Variants in PRICKLE2 observed in about 807,000 individuals in gnomAD.
The protein encoded by PRICKLE2 is prickle-like protein 2.
Under a neutral mutation model 81.4 loss-of-function variants are expected in PRICKLE2, and 21 were observed. That is an observed-to-expected ratio of 0.26 (90% CI 0.18 to 0.37). PRICKLE2 has a LOEUF of 0.37. Ranked by LOEUF, PRICKLE2 falls within the 10% of genes least tolerant of loss-of-function variation. The pLI is 1.00. For missense variants in PRICKLE2, 940 were observed against 1,109.0 expected (o/e 0.85, Z 2.16); for synonymous variants, 456 against 421.5 (o/e 1.08, Z -1.00).
chr3:64,213,105 T>C (rs371180023), intron 1 of PRICKLE2, among the ~76,000 whole-genome samples: 1,673 of 151,522 alleles, frequency 0.011, 29 homozygotes, highest in African/African-American at 0.035. Flanking sequence ...AGATGGAATT[T>C]TTCTTTTGTT....
At chr3:64,155,554 C>T (rs2107031564) in intron 5 of PRICKLE2, among the ~76,000 whole-genome samples, 1 of 152,182 alleles carries the variant, frequency 6.6e-6, no homozygotes, top group East Asian at 1.9e-4. Context: ...CTCAAGAGAA[C>T]TAAAAATATA....
At chr3:64,210,351 C>G (rs1160995412) in intron 1 of PRICKLE2, among the ~76,000 whole-genome samples, 1 of 152,114 alleles carries the variant, frequency 6.6e-6, no homozygotes, top group African/African-American at 2.4e-5. Flanking sequence ...CAGGCATGAA[C>G]CTTGACACTT....
upstream of PRICKLE2, among the ~76,000 whole-genome samples, chr3:64,227,717 C>T (rs2079048675): frequency 6.6e-6 from 1 of 152,128 alleles, no homozygotes; most frequent in African/African-American, 2.4e-5. Flanking sequence ...TGCATGGGGC[C>T]ATTGGGAGAA....
intron 2 of PRICKLE2, among the ~76,000 whole-genome samples, chr3:64,266,214 G>C (rs1329983311): frequency 2.0e-5 from 3 of 149,324 alleles, no homozygotes; most frequent in African/African-American, 7.4e-5. Flanking sequence ...AAAAAAAAAA[G>C]CTAAACCAAA....
At chr3:64,258,995 AT>A (rs1262733559) in intron 2 of PRICKLE2, among the ~76,000 whole-genome samples, 1 of 152,180 alleles carries the variant, frequency 6.6e-6, no homozygotes, top group East Asian at 1.9e-4. Flanking sequence ...ACACTGGTAT[AT>A]TTAGCTTATG....
intron 1 of PRICKLE2, among the ~76,000 whole-genome samples, chr3:64,217,684 G>A (rs1410128415): frequency 9.9e-5 from 15 of 152,184 alleles, no homozygotes; most frequent in Admixed American, 9.2e-4. Flanking sequence ...CATGGGTACA[G>A]GCTGCCTCCA....
chr3:64,164,783 G>C (rs889064361), intron 2 of PRICKLE2, among the ~76,000 whole-genome samples: 1 of 152,160 alleles, frequency 6.6e-6, no homozygotes, highest in African/African-American at 2.4e-5. Flanking sequence ...GTTCTGAAGA[G>C]AGCCCACTGT....
In PRICKLE2 at chr3:64,153,164, T is replaced by G. The variant is rs755252208; in HGVS notation, c.787+18A>C. On this transcript the variant is annotated intron_variant, in intron 6 of 7. Transcript: ENST00000638394. ...CGCATCACAGAAGGACCAAGCTGAC[T>G]GCCAAATATTGCCTCACCTATATGT... is the stretch of plus-strand genomic sequence containing the variant. The G allele has an allele frequency of 6.2e-7, 1 of 1,613,320 alleles. No individual in the cohort carries two copies. The highest frequency in any genetic ancestry group is 8.5e-7 in the Non-Finnish European group (1 of 1,179,300).
intron 2 of PRICKLE2, among the ~76,000 whole-genome samples, chr3:64,173,616 C>T (rs1442366972): frequency 6.6e-6 from 1 of 152,100 alleles, no homozygotes; most frequent in Non-Finnish European, 1.5e-5. Flanking sequence ...GCTTAAATGG[C>T]CAGTATCCTT....
At chr3:64,125,642 A>G (rs983053439) in intron 7 of PRICKLE2, among the ~76,000 whole-genome samples, 3 of 152,236 alleles carry the variant, frequency 2.0e-5, no homozygotes, top group Non-Finnish European at 4.4e-5. Flanking sequence ...GTAATAAAGT[A>G]TTTTTAAATT....
rs1488175550 is a variant in PRICKLE2, at chr3:64,180,126, T to C, written c.145-16997A>G. Among the ~76,000 whole-genome samples, 3 of 152,334 alleles carry C rather than the reference T, an allele frequency of 2.0e-5. No homozygotes were observed. The East Asian group carries it at 5.8e-4, about 29-fold the overall frequency. ...AGTAATGTGCATACTTTGAATGTTA[T>C]GTGCGTATGTTATATAATGAGGATT... On this transcript the variant is annotated intron_variant, in intron 2 of 7. Transcript: ENST00000638394.
At chr3:64,160,342 C>T (rs934066495) in intron 3 of PRICKLE2, among the ~76,000 whole-genome samples, 1 of 152,122 alleles carries the variant, frequency 6.6e-6, no homozygotes, top group Non-Finnish European at 1.5e-5. Context: ...GGTGCCTGCT[C>T]CTTATCCTGA....
chr3:64,247,285 A>G (rs1483709884), intron 2 of PRICKLE2, among the ~76,000 whole-genome samples: 1 of 152,148 alleles, frequency 6.6e-6, no homozygotes, highest in Non-Finnish European at 1.5e-5. Flanking sequence ...AACTATTACT[A>G]TGCATGCATT....
intron 2 of PRICKLE2, among the ~76,000 whole-genome samples, chr3:64,240,417 C>T (rs370968438): frequency 6.6e-6 from 1 of 152,182 alleles, no homozygotes. Context: ...TGCCTCTTTG[C>T]AGGCTAAATG....
At chr3:64,139,493 A>C (rs1378174219) in intron 7 of PRICKLE2, among the ~76,000 whole-genome samples, 1 of 152,178 alleles carries the variant, frequency 6.6e-6, no homozygotes, top group African/African-American at 2.4e-5. Flanking sequence ...CTTCACCTCT[A>C]GCCTGGGCTA....
At chr3:64,110,817 G>A (rs1158475148) in intron 7 of PRICKLE2, among the ~76,000 whole-genome samples, 2 of 152,080 alleles carry the variant, frequency 1.3e-5, no homozygotes, top group Admixed American at 1.3e-4. Flanking sequence ...GAGCCACACG[G>A]AGGTTCTTCC....
chr3:64,102,536 G>A (rs1269285916), intron 7 of PRICKLE2: 2 of 152,902 alleles, frequency 1.3e-5, no homozygotes, highest in Non-Finnish European at 2.9e-5. Flanking sequence ...CTAGTTGCAG[G>A]AAAACAAGCT....
At chr3:64,260,891 T>C (rs934161832) in intron 2 of PRICKLE2, among the ~76,000 whole-genome samples, 1 of 152,180 alleles carries the variant, frequency 6.6e-6, no homozygotes, top group African/African-American at 2.4e-5. Context: ...TCCAAAGCCA[T>C]TTGTGGGAGT....
intron 2 of PRICKLE2, among the ~76,000 whole-genome samples, chr3:64,258,178 G>GC (rs1257461989): frequency 6.6e-6 from 1 of 151,714 alleles, no homozygotes; most frequent in Non-Finnish European, 1.5e-5. Context: ...TCTGAAGCAA[G>GC]CAATTAGCGG....
Sources: allele counts gnomAD v4.1 joint callset (sites outside exome capture counted in the v4.1 genomes callset), GRCh38; gene constraint gnomAD v4.1.1; transcripts MANE v1.5; gene names NCBI Gene and HGNC (gene_info 2026-07-23, HGNC 2026-07-21).